Variants in TNS3 observed in about 807,000 individuals in gnomAD.
The protein encoded by TNS3 is tensin-3.
In TNS3, 45 loss-of-function variants were observed where a neutral mutation model predicts 140.9. The ratio of observed to expected loss-of-function variants is 0.32; its 90% CI spans 0.25 to 0.41. TNS3 has a LOEUF of 0.41. TNS3 is among the 10% of genes least tolerant of loss of function. The probability of loss-of-function intolerance (pLI) is 1.00; values close to 1 mark genes in which losing one functional copy is unlikely to be tolerated. For missense variants in TNS3, 1,716 were observed against 1,906.7 expected (o/e 0.90, Z 1.86); for synonymous variants, 815 against 788.4 (o/e 1.03, Z -0.56).
intron 1 of TNS3, among the ~76,000 whole-genome samples, chr7:47,551,523 G>A (rs1174165271): frequency 6.6e-6 from 1 of 152,218 alleles, no homozygotes; most frequent in African/African-American, 2.4e-5. Flanking sequence ...CTTTGGCTGG[G>A]TCAGGGTTCA....
intron 16 of TNS3, among the ~76,000 whole-genome samples, chr7:47,395,188 A>G (rs1584558165): frequency 6.6e-6 from 1 of 152,078 alleles, no homozygotes; most frequent in Admixed American, 6.5e-5. Flanking sequence ...GAGACTCGGC[A>G]CAGCCACTGA....
intron 20 of TNS3, among the ~76,000 whole-genome samples, chr7:47,338,090 A>G (rs1788734934): frequency 8.4e-6 from 1 of 119,110 alleles, no homozygotes; most frequent in Non-Finnish European, 2.1e-5. Context: ...TTGAGGTACT[A>G]CAATTTGTTT....
intron 1 of TNS3, among the ~76,000 whole-genome samples, chr7:47,531,847 C>T (rs1331030455): frequency 6.6e-6 from 1 of 152,202 alleles, no homozygotes. Flanking sequence ...ATCCAAGCCT[C>T]CCTGCGCTCT....
rs568807431 is a variant in TNS3, at chr7:47,311,823, CA to C, written c.2651-6821del. On this transcript the variant is annotated intron_variant, in intron 20 of 30. Transcript: ENST00000311160. ...GCCACAAGTTAAAAAACAAAACAAA[CA>C]AACAAAAAACCTAAGAAGGATTAAT... Among the ~76,000 whole-genome samples the C allele has an allele frequency of 1.3e-3, 196 of 152,078 alleles. 2 individuals are homozygous for C. The South Asian group carries it at 0.018, about 14-fold the overall frequency.
At chr7:47,554,744 A>G (rs1217409756) in intron 1 of TNS3, among the ~76,000 whole-genome samples, 3 of 152,130 alleles carry the variant, frequency 2.0e-5, no homozygotes, top group Admixed American at 1.3e-4. Context: ...CTTAAGATGG[A>G]ATCGGGCCGA....
At chr7:47,390,673 A>T (rs1017943400) in intron 16 of TNS3, among the ~76,000 whole-genome samples, 1 of 152,208 alleles carries the variant, frequency 6.6e-6, no homozygotes, top group Non-Finnish European at 1.5e-5. Context: ...CAAGGCAAGA[A>T]ACCAAGGACA....
At chr7:47,488,473 G>C (rs1284555981) in intron 3 of TNS3, among the ~76,000 whole-genome samples, 1 of 152,130 alleles carries the variant, frequency 6.6e-6, no homozygotes, top group African/African-American at 2.4e-5. Context: ...CTCTCTCCCG[G>C]GCCTGCAGAT....
chr7:47,395,219 C>T (rs975829236), intron 16 of TNS3, among the ~76,000 whole-genome samples: 3 of 152,180 alleles, frequency 2.0e-5, no homozygotes, highest in Non-Finnish European at 2.9e-5. Context: ...CAGGACAGAG[C>T]GCTGCTCACT....
rs376861396 is a variant in TNS3, at chr7:47,291,753, T to C, written c.3928+202A>G. ...CCACTGAATTTAGTCTTGCTTGAGT[T>C]AGACCGGCCCATGAAGGCCTTGCTG... On this transcript the variant is annotated intron_variant, in intron 27 of 30. Transcript: ENST00000311160. Among the ~76,000 whole-genome samples, 49 of 152,242 alleles carry C rather than the reference T, an allele frequency of 3.2e-4. 4 individuals carry two copies. The highest frequency in any genetic ancestry group is 2.3e-3 in the East Asian group (12 of 5,196).
chr7:47,307,096 T>C (rs988814703), intron 20 of TNS3, among the ~76,000 whole-genome samples: 2 of 152,246 alleles, frequency 1.3e-5, no homozygotes, highest in African/African-American at 2.4e-5. Context: ...CAGTTTGTCA[T>C]ATGTAAACGT....
chr7:47,557,642 G>GT (rs1013028346), intron 1 of TNS3, among the ~76,000 whole-genome samples: 14 of 152,148 alleles, frequency 9.2e-5, no homozygotes, highest in Non-Finnish European at 1.8e-4. Flanking sequence ...ATCCTAGTTT[G>GT]TTTTTTTAAG....
At chr7:47,461,181 C>G (rs1316407182) in intron 4 of TNS3, among the ~76,000 whole-genome samples, 2 of 152,152 alleles carry the variant, frequency 1.3e-5, no homozygotes, top group Non-Finnish European at 2.9e-5. Context: ...TGTTGTATGT[C>G]AAGAAATGAG....
chr7:47,355,499 G>A (rs777730654), intron 17 of TNS3, among the ~76,000 whole-genome samples: 2 of 152,182 alleles, frequency 1.3e-5, no homozygotes, highest in Non-Finnish European at 2.9e-5. Flanking sequence ...CAAGACACTG[G>A]GTGCTGTACT....
chr7:47,422,973 T>C (rs1452479879), intron 10 of TNS3, among the ~76,000 whole-genome samples: 4 of 152,168 alleles, frequency 2.6e-5, no homozygotes, highest in East Asian at 3.8e-4. Context: ...GCCCTGTTGC[T>C]GACCACAGTC....
intron 4 of TNS3, among the ~76,000 whole-genome samples, chr7:47,473,789 A>C (rs961037011): frequency 6.6e-6 from 1 of 152,166 alleles, no homozygotes. Flanking sequence ...ACTAAGCCCC[A>C]CACCCAGTAA....
At chr7:47,540,941 C>A (rs763609561) in intron 1 of TNS3, among the ~76,000 whole-genome samples, 10 of 152,146 alleles carry the variant, frequency 6.6e-5, no homozygotes, top group Non-Finnish European at 1.5e-4. Flanking sequence ...GGGGCTCTAA[C>A]TGGCAAAAAG....
chr7:47,305,562 G>A (rs554317919), intron 20 of TNS3, among the ~76,000 whole-genome samples: 3 of 152,354 alleles, frequency 2.0e-5, no homozygotes, highest in African/African-American at 7.2e-5. Context: ...CGAGCACTAT[G>A]AGGGTGCAAA....
chr7:47,526,980 C>A (rs1209031071), intron 2 of TNS3, among the ~76,000 whole-genome samples: 5 of 152,184 alleles, frequency 3.3e-5, no homozygotes, highest in Non-Finnish European at 7.3e-5. Flanking sequence ...CGCCTGTAAT[C>A]CCAGCACTTT....
At chr7:47,516,540 C>T (rs777921021) in intron 2 of TNS3, among the ~76,000 whole-genome samples, 28 of 152,236 alleles carry the variant, frequency 1.8e-4, no homozygotes, top group Middle Eastern at 6.8e-3. Flanking sequence ...ACTCAATGAG[C>T]TGCAGCATCC....
Sources: allele counts gnomAD v4.1 joint callset (sites outside exome capture counted in the v4.1 genomes callset), GRCh38; gene constraint gnomAD v4.1.1; transcripts MANE v1.5; gene names NCBI Gene and HGNC (gene_info 2026-07-23, HGNC 2026-07-21).